Variants in NEK11 observed in about 807,000 individuals in gnomAD.
NEK11 encodes the protein NIMA related kinase 11, also known as serine/threonine-protein kinase Nek11.
NEK11 carries 72 observed loss-of-function variants against 80.7 expected under a neutral mutation model. That is an observed-to-expected ratio of 0.89 (90% CI 0.74 to 1.08). The LOEUF is 1.08. Ranked by LOEUF, NEK11 falls within the 50% of genes least tolerant of loss-of-function variation. The pLI is 0.00. For missense variants in NEK11, 764 were observed against 763.6 expected, an observed-to-expected ratio of 1.00 and a Z score of -0.01; for synonymous variants, 251 against 260.7, an observed-to-expected ratio of 0.96 and a Z score of 0.36.
chr3:131,113,007 G>T (rs1578435810), intron 5 of NEK11, among the ~76,000 whole-genome samples: 1 of 152,272 alleles, frequency 6.6e-6, no homozygotes, highest in South Asian at 2.1e-4. Context: ...GGTAACTTGG[G>T]TTATCAGTCA....
chr3:131,243,873 G>A (rs1351553342), intron 16 of NEK11, among the ~76,000 whole-genome samples: 1 of 152,052 alleles, frequency 6.6e-6, no homozygotes, highest in South Asian at 2.1e-4. Flanking sequence ...CCATCACTCC[G>A]AAGGTCAGTC....
chr3:131,068,390 C>T, intron 3 of NEK11, among the ~76,000 whole-genome samples: 1 of 152,242 alleles, frequency 6.6e-6, no homozygotes, highest in Non-Finnish European at 1.5e-5. Flanking sequence ...TCAAGAAGCA[C>T]TGCTCTAAGA....
At chr3:131,246,168 T>A (rs1287486717) in intron 16 of NEK11, among the ~76,000 whole-genome samples, 2 of 152,126 alleles carry the variant, frequency 1.3e-5, no homozygotes, top group Non-Finnish European at 2.9e-5. Flanking sequence ...AATAAGTTCT[T>A]TAATGGCAAT....
At chr3:131,345,039 T>C (rs1249054473) in intron 17 of NEK11, among the ~76,000 whole-genome samples, 3 of 152,256 alleles carry the variant, frequency 2.0e-5, no homozygotes, top group African/African-American at 7.2e-5. Context: ...ATTTGATTTA[T>C]TATTTGCATC....
At chr3:131,273,597 C>T in intron 17 of NEK11, 23 bp downstream of exon 17, 1 of 1,557,696 alleles carries the variant, frequency 6.4e-7, no homozygotes, top group Non-Finnish European at 8.9e-7. Flanking sequence ...TTGCCTGCCC[C>T]CTAGGAAGGT....
At chr3:131,258,429 A>G (rs2095855749) in intron 16 of NEK11, among the ~76,000 whole-genome samples, 1 of 152,202 alleles carries the variant, frequency 6.6e-6, no homozygotes. Context: ...ATTACAGAAA[A>G]GCAGGTTTTG....
chr3:131,125,063 A>G (rs147963526), intron 5 of NEK11, among the ~76,000 whole-genome samples: 148 of 152,222 alleles, frequency 9.7e-4, no homozygotes, highest in Non-Finnish European at 1.6e-3. Flanking sequence ...TTTTCTCTCT[A>G]TTCTTAGAAA....
At chr3:131,306,854 C>T (rs1294092322) in intron 17 of NEK11, among the ~76,000 whole-genome samples, 1 of 152,078 alleles carries the variant, frequency 6.6e-6, no homozygotes, top group Non-Finnish European at 1.5e-5. Context: ...TCTGATTTGT[C>T]CACACTGAGC....
chr3:131,344,856 T>C (rs1045887168), intron 17 of NEK11, among the ~76,000 whole-genome samples: 6 of 152,092 alleles, frequency 3.9e-5, no homozygotes, highest in Non-Finnish European at 7.4e-5. Flanking sequence ...CACCAAGCCA[T>C]GAGGGAACAG....
At chr3:131,038,664 T>A (rs944768609) in intron 3 of NEK11, among the ~76,000 whole-genome samples, 5 of 152,186 alleles carry the variant, frequency 3.3e-5, no homozygotes, top group Non-Finnish European at 5.9e-5. Flanking sequence ...TACTCAAAAA[T>A]TCTTCTTAAA....
intron 4 of NEK11, among the ~76,000 whole-genome samples, chr3:131,099,884 G>A (rs1315425548): frequency 6.6e-6 from 1 of 152,154 alleles, no homozygotes; most frequent in Non-Finnish European, 1.5e-5. Context: ...TCTTTAGGGT[G>A]TTTTAGGAAT....
chr3:131,041,145 T>C (rs1377019940), intron 3 of NEK11, among the ~76,000 whole-genome samples: 1 of 152,252 alleles, frequency 6.6e-6, no homozygotes, highest in African/African-American at 2.4e-5. Flanking sequence ...TCAGCTGCTT[T>C]TAATTTATAT....
intron 14 of NEK11, among the ~76,000 whole-genome samples, chr3:131,178,539 T>G (rs1476115897): frequency 6.6e-6 from 1 of 152,234 alleles, no homozygotes; most frequent in Non-Finnish European, 1.5e-5. Flanking sequence ...CATATTAGCC[T>G]AGGCCTTCTG....
chr3:131,075,608 A>G (rs974419495), intron 3 of NEK11, among the ~76,000 whole-genome samples: 47 of 152,352 alleles, frequency 3.1e-4, no homozygotes, highest in Non-Finnish European at 5.7e-4. Flanking sequence ...TCCACCATCA[A>G]TTTCTATCTA....
chr3:131,131,191 G>T (rs1293164159), intron 5 of NEK11, among the ~76,000 whole-genome samples: 1 of 152,136 alleles, frequency 6.6e-6, no homozygotes, highest in Non-Finnish European at 1.5e-5. Flanking sequence ...TTCTTTTCTT[G>T]TAATGTCTTT....
intron 5 of NEK11, among the ~76,000 whole-genome samples, chr3:131,111,103 A>G (rs967679092): frequency 6.6e-6 from 1 of 152,192 alleles, no homozygotes; most frequent in African/African-American, 2.4e-5. Context: ...CTAAAAAACA[A>G]CACATATTAA....
At chr3:131,289,302 T>C (rs909326668) in intron 17 of NEK11, among the ~76,000 whole-genome samples, 3 of 152,216 alleles carry the variant, frequency 2.0e-5, no homozygotes, top group Non-Finnish European at 4.4e-5. Flanking sequence ...AACAGCCTTG[T>C]TTTAACTTAA....
chr3:131,146,251 T>G (rs2088238679), intron 7 of NEK11, among the ~76,000 whole-genome samples: 1 of 152,096 alleles, frequency 6.6e-6, no homozygotes, highest in Admixed American at 6.6e-5. Context: ...GCAAATTTGA[T>G]TTCTTTTTTT....
chr3:131,298,435 T>A (rs2096625011), intron 17 of NEK11, among the ~76,000 whole-genome samples: 1 of 152,180 alleles, frequency 6.6e-6, no homozygotes, highest in Admixed American at 6.5e-5. Flanking sequence ...CAATTGTGAA[T>A]GGGAATTCAC....
Sources: gnomAD v4.1 joint callset for allele counts (sites outside exome capture counted in the v4.1 genomes callset) on GRCh38, gnomAD v4.1.1 for gene constraint, MANE v1.5 for transcripts, NCBI Gene and HGNC (gene_info 2026-07-23, HGNC 2026-07-21) for gene names.